BCKDHB: variants seen among roughly 807,000 people sequenced by gnomAD.
The protein encoded by BCKDHB is branched chain keto acid dehydrogenase E1 subunit beta, also known as 2-oxoisovalerate dehydrogenase subunit beta, mitochondrial.
A neutral mutation model predicts 48.5 loss-of-function variants in BCKDHB; 41 were observed. The observed-to-expected ratio is 0.85, with a 90% CI of 0.66 to 1.10. BCKDHB has a LOEUF of 1.10. Among genes scored for constraint, BCKDHB ranks in the 50% least tolerant of loss-of-function variants. The pLI, the probability that BCKDHB is intolerant of heterozygous loss-of-function variation, is 0.00. For missense variants in BCKDHB, 496 were observed against 494.2 expected, an observed-to-expected ratio of 1.00 and a Z score of -0.03; for synonymous variants, 201 against 174.8, an observed-to-expected ratio of 1.15 and a Z score of -1.18.
At chr6:80,245,069 A>G (rs1776553556) in intron 8 of BCKDHB, among the ~76,000 whole-genome samples, 1 of 131,798 alleles carries the variant, frequency 7.6e-6, no homozygotes, top group Non-Finnish European at 1.6e-5. Context: ...ATATAATAGT[A>G]GTCTTTATCT....
At chr6:80,154,133 G>T (rs925531260) in intron 3 of BCKDHB, among the ~76,000 whole-genome samples, 17 of 152,232 alleles carry the variant, frequency 1.1e-4, no homozygotes, top group Admixed American at 5.9e-4. Flanking sequence ...AAGCCCAAAA[G>T]AATTCCCCTC....
intron 8 of BCKDHB, among the ~76,000 whole-genome samples, chr6:80,269,999 AAT>A (rs1394591439): frequency 6.6e-6 from 1 of 152,118 alleles, no homozygotes; most frequent in Admixed American, 6.6e-5. Flanking sequence ...ATCTAATTAA[AAT>A]AGACAGAATA....
the BCKDHB span, among the ~76,000 whole-genome samples, chr6:80,427,044 A>G: frequency 6.6e-6 from 1 of 152,094 alleles, no homozygotes; most frequent in South Asian, 2.1e-4. Context: ...AACATTTAGG[A>G]TTACATTCTC....
At chr6:80,143,600 A>C (rs1771327183) in intron 3 of BCKDHB, among the ~76,000 whole-genome samples, 1 of 152,148 alleles carries the variant, frequency 6.6e-6, no homozygotes, top group African/African-American at 2.4e-5. Flanking sequence ...AGTTGCTTTG[A>C]TTGGCAGAGT....
At chr6:80,155,363 T>G (rs973432721) in intron 3 of BCKDHB, among the ~76,000 whole-genome samples, 2 of 152,142 alleles carry the variant, frequency 1.3e-5, no homozygotes, top group African/African-American at 4.8e-5. Flanking sequence ...ATTTTAGCAT[T>G]TGTGACTTGA....
chr6:80,114,288 G>A (rs1008321782), intron 1 of BCKDHB, among the ~76,000 whole-genome samples: 1 of 148,936 alleles, frequency 6.7e-6, no homozygotes, highest in Non-Finnish European at 1.5e-5. Context: ...TCACTCTCTT[G>A]TCTAGGCTGG....
intron 8 of BCKDHB, among the ~76,000 whole-genome samples, chr6:80,206,589 A>G (rs1774674481): frequency 6.6e-6 from 1 of 151,700 alleles, no homozygotes; most frequent in South Asian, 2.1e-4. Flanking sequence ...ATATGGATCA[A>G]GTAAACTTTG....
chr6:80,289,383 A>C (rs1283230250), intron 9 of BCKDHB, among the ~76,000 whole-genome samples: 6 of 152,168 alleles, frequency 3.9e-5, no homozygotes, highest in African/African-American at 1.4e-4. Context: ...TGCACTGATT[A>C]ATAGCAAAAA....
Position 80,129,119 on chromosome 6 carries a change from A to G in BCKDHB, c.275-42A>G, listed in dbSNP as rs150329380. ...ATTTCTCATTGTTAGTATTATTTAG[A>G]GATTATTAAATAAAATGTATTATTT... On this transcript the variant is annotated intron_variant, in intron 2 of 9. Coordinates refer to ENST00000320393, the MANE Select transcript of BCKDHB (RefSeq NM_183050.4). The G allele has an allele frequency of 3.7e-4, 494 of 1,332,320 alleles. 4 individuals carry two copies. In the African/African-American group the frequency reaches 6.1e-3, roughly 17 times the overall value. The allele number at this position is 1,332,320 out of a possible 1,614,324, so 82.5% of individuals were successfully genotyped here. A position where few individuals can be genotyped will look rare whatever the true frequency, so the allele number is the denominator to read the frequency against.
intron 1 of BCKDHB, among the ~76,000 whole-genome samples, chr6:80,112,878 T>C (rs1388481232): frequency 2.0e-5 from 3 of 152,230 alleles, no homozygotes; most frequent in Non-Finnish European, 4.4e-5. Flanking sequence ...AAATTTGTTT[T>C]GTCCCTGGAT....
At chr6:80,204,760 C>G (rs74554904) in intron 8 of BCKDHB, among the ~76,000 whole-genome samples, 2 of 151,930 alleles carry the variant, frequency 1.3e-5, no homozygotes, top group Admixed American at 6.6e-5. Flanking sequence ...TTTTGGCAAC[C>G]GTGGAAGCAA....
At chr6:80,115,721 C>T (rs1769661256) in intron 1 of BCKDHB, among the ~76,000 whole-genome samples, 1 of 151,830 alleles carries the variant, frequency 6.6e-6, no homozygotes. Flanking sequence ...ACTGCAGGCT[C>T]TGCCTCCCAG....
At chr6:80,152,171 T>A (rs558293758) in intron 3 of BCKDHB, among the ~76,000 whole-genome samples, 4 of 149,114 alleles carry the variant, frequency 2.7e-5, no homozygotes, top group East Asian at 4.0e-4. Flanking sequence ...TTTTTTTTTT[T>A]AATCTGTTTA....
At chr6:80,399,016 T>G in the BCKDHB span, among the ~76,000 whole-genome samples, 3 of 152,082 alleles carry the variant, frequency 2.0e-5, no homozygotes, top group African/African-American at 7.2e-5. Flanking sequence ...CATATGATTA[T>G]TTCAATAGGG....
At chr6:80,257,678 C>T (rs1344622485) in intron 8 of BCKDHB, among the ~76,000 whole-genome samples, 1 of 151,858 alleles carries the variant, frequency 6.6e-6, no homozygotes, top group Admixed American at 6.6e-5. Flanking sequence ...CAGACTAAGT[C>T]TAAAGGCCTC....
chr6:80,199,238 A>G (rs1336600927), intron 6 of BCKDHB, among the ~76,000 whole-genome samples: 2 of 152,104 alleles, frequency 1.3e-5, no homozygotes, highest in African/African-American at 2.4e-5. Context: ...AGGATTCAGA[A>G]TCTTGGATGC....
intron 9 of BCKDHB, among the ~76,000 whole-genome samples, chr6:80,317,817 G>A (rs1768526571): frequency 6.6e-6 from 1 of 152,166 alleles, no homozygotes; most frequent in Admixed American, 6.5e-5. Flanking sequence ...GTGGGCCCAG[G>A]ATATAGTCAT....
the BCKDHB span, among the ~76,000 whole-genome samples, chr6:80,440,434 A>G: frequency 6.6e-6 from 1 of 152,142 alleles, no homozygotes; most frequent in South Asian, 2.1e-4. Context: ...CTTCTTTACC[A>G]TATGCCTTTT....
At chr6:80,381,524 T>G in the BCKDHB span, among the ~76,000 whole-genome samples, 1 of 152,124 alleles carries the variant, frequency 6.6e-6, no homozygotes, top group Non-Finnish European at 1.5e-5. Context: ...ATTTTAATAT[T>G]AAAGTCAGGT....
Sources: gnomAD v4.1 joint callset for allele counts (sites outside exome capture counted in the v4.1 genomes callset) on GRCh38, gnomAD v4.1.1 for gene constraint, MANE v1.5 for transcripts, NCBI Gene and HGNC (gene_info 2026-07-23, HGNC 2026-07-21) for gene names.